Variants in RALGPS1 observed in about 807,000 individuals in gnomAD.
The protein encoded by RALGPS1 is ras-specific guanine nucleotide-releasing factor RalGPS1.
Under a neutral mutation model 78.8 loss-of-function variants are expected in RALGPS1, and 19 were observed. The ratio of observed to expected loss-of-function variants is 0.24; its 90% confidence interval spans 0.17 to 0.35. The LOEUF (loss-of-function observed/expected upper bound fraction) is 0.35. RALGPS1 is among the 10% of genes least tolerant of loss of function. The pLI is 1.00. For missense variants in RALGPS1, 454 were observed against 688.3 expected, an observed-to-expected ratio of 0.66 and a Z score of 3.81; for synonymous variants, 228 against 256.3, an observed-to-expected ratio of 0.89 and a Z score of 1.06.
At chr9:127,157,614 G>A (rs1009715137) in intron 8 of RALGPS1, among the ~76,000 whole-genome samples, 2 of 151,844 alleles carry the variant, frequency 1.3e-5, no homozygotes, top group Non-Finnish European at 2.9e-5. Context: ...ATTGTAAATT[G>A]CCCTTTTTTT....
chr9:127,196,301 G>A (rs557987895), intron 12 of RALGPS1, among the ~76,000 whole-genome samples, 173 bp from the exon 13 acceptor site: 1 of 152,350 alleles, frequency 6.6e-6, no homozygotes, highest in East Asian at 1.9e-4. Flanking sequence ...GAGAAAGGAT[G>A]TGACTTGCCC....
At chr9:126,984,265 G>A (rs930372953) in intron 4 of RALGPS1, among the ~76,000 whole-genome samples, 1 of 152,058 alleles carries the variant, frequency 6.6e-6, no homozygotes, top group Non-Finnish European at 1.5e-5. Context: ...CACCATGCTT[G>A]GCTAATTTTT....
chr9:126,919,334 A>G (rs935806669), intron 1 of RALGPS1, among the ~76,000 whole-genome samples: 2 of 152,224 alleles, frequency 1.3e-5, no homozygotes, highest in African/African-American at 4.8e-5. Flanking sequence ...CTAACAAGAG[A>G]CATCCTTTGT....
At chr9:127,076,010 T>A (rs2050646653) in intron 8 of RALGPS1, among the ~76,000 whole-genome samples, 1 of 152,194 alleles carries the variant, frequency 6.6e-6, no homozygotes, top group Non-Finnish European at 1.5e-5. Flanking sequence ...AACATAATTT[T>A]AAAAATACTG....
chr9:127,030,457 T>C (rs7048942), intron 4 of RALGPS1, among the ~76,000 whole-genome samples: 21,073 of 151,936 alleles, frequency 0.14, 4,805 homozygotes, highest in African/African-American at 0.48. Flanking sequence ...TGGTGGAGGC[T>C]AAGAGCGGCC....
rs1203809247 is a variant in RALGPS1 at position 127,043,101 on chromosome 9, T to C, written c.301-6942T>C. The stretch of plus-strand genomic sequence containing the variant: ...GTTAAGATGTCAGTTCTTCCCAACT[T>C]GATCAATAGATCCAGTGCAATCCCA... On this transcript the variant is annotated intron_variant, in intron 5 of 18. Coordinates refer to ENST00000259351, the MANE Select transcript of RALGPS1 (RefSeq NM_014636.3). 2.0e-5 allele frequency among the ~76,000 whole-genome samples: 3 copies of C among 152,242 alleles called. No individual in the cohort carries two copies. The East Asian group carries it at 5.8e-4, about 29-fold the overall frequency.
intron 8 of RALGPS1, among the ~76,000 whole-genome samples, chr9:127,100,771 G>T (rs1184187306): frequency 2.6e-5 from 4 of 152,228 alleles, no homozygotes; most frequent in Non-Finnish European, 5.9e-5. Flanking sequence ...ACAGGTAGCA[G>T]TCCCATAGTT....
At chr9:127,055,788 A>AT (rs2048693615) in intron 7 of RALGPS1, among the ~76,000 whole-genome samples, 1 of 152,060 alleles carries the variant, frequency 6.6e-6, no homozygotes, top group South Asian at 2.1e-4. Flanking sequence ...TTATTTTTTT[A>AT]TTTTTGTTTT....
intron 8 of RALGPS1, among the ~76,000 whole-genome samples, chr9:127,085,320 TTAGTAA>T (rs1234711724): frequency 2.0e-5 from 3 of 152,178 alleles, no homozygotes; most frequent in Non-Finnish European, 2.9e-5. Context: ...CATGGCGAAC[TTAGTAA>T]TAGTAGGACT....
intron 8 of RALGPS1, among the ~76,000 whole-genome samples, chr9:127,138,116 C>T (rs997459371): frequency 4.6e-5 from 7 of 152,144 alleles, no homozygotes; most frequent in East Asian, 3.9e-4. Flanking sequence ...CTGTAGGCCA[C>T]GGCCGAAGAA....
intron 14 of RALGPS1, chr9:127,210,700 G>A: frequency 1.9e-6 from 3 of 1,550,348 alleles, no homozygotes; most frequent in Non-Finnish European, 2.6e-6. Context: ...TGAAGCAGGG[G>A]ACGTCTCTAT....
intron 1 of RALGPS1, among the ~76,000 whole-genome samples, chr9:126,958,142 A>AAAAATATATATAT (rs113413659): frequency 9.0e-4 from 69 of 77,014 alleles, no homozygotes; most frequent in East Asian, 2.8e-3. Flanking sequence ...AAAAAAAAAA[A>AAAAATATATATAT]ATATATATAT....
chr9:127,195,066 G>T (rs1286754654), intron 11 of RALGPS1, 25 bp from the exon 12 acceptor site: 3 of 1,611,648 alleles, frequency 1.9e-6, no homozygotes, highest in Admixed American at 3.3e-5. Context: ...AACCCCCGTT[G>T]TTGCTCTCTC....
At chr9:127,116,416 A>G (rs2055427627) in intron 8 of RALGPS1, among the ~76,000 whole-genome samples, 1 of 152,182 alleles carries the variant, frequency 6.6e-6, no homozygotes, top group Non-Finnish European at 1.5e-5. Flanking sequence ...TTTGGGAACC[A>G]TTTTGAGATT....
At chr9:127,013,985 C>T (rs2044594644) in intron 4 of RALGPS1, among the ~76,000 whole-genome samples, 1 of 152,222 alleles carries the variant, frequency 6.6e-6, no homozygotes, top group Non-Finnish European at 1.5e-5. Flanking sequence ...TGCCTGTCTT[C>T]TCCACCGGAA....
At chr9:126,971,164 G>A (rs972008683) in intron 3 of RALGPS1, among the ~76,000 whole-genome samples, 1 of 151,944 alleles carries the variant, frequency 6.6e-6, no homozygotes, top group African/African-American at 2.4e-5. Context: ...ATTCATGATA[G>A]CCAAGGAACA....
At chr9:127,209,559 G>A (rs1438376552) in intron 14 of RALGPS1, among the ~76,000 whole-genome samples, 1 of 152,120 alleles carries the variant, frequency 6.6e-6, no homozygotes, top group Non-Finnish European at 1.5e-5. Context: ...AGAGGACTGG[G>A]GGTCCAAGCA....
chr9:127,046,672 CAAAAAAAAAAA>C (rs71377987), intron 5 of RALGPS1, among the ~76,000 whole-genome samples: 1 of 40,452 alleles, frequency 2.5e-5, no homozygotes, highest in Non-Finnish European at 5.2e-5. Context: ...CCCATCCATA[CAAAAAAAAAAA>C]AAAAAAAAAA....
At chr9:127,005,577 T>A (rs2043759922) in intron 4 of RALGPS1, among the ~76,000 whole-genome samples, 1 of 152,160 alleles carries the variant, frequency 6.6e-6, no homozygotes, top group Non-Finnish European at 1.5e-5. Context: ...GGAGGTTTTT[T>A]TTTATGAAAT....
Sources: allele counts gnomAD v4.1 joint callset (sites outside exome capture counted in the v4.1 genomes callset), GRCh38; gene constraint gnomAD v4.1.1; transcripts MANE v1.5; gene names NCBI Gene and HGNC (gene_info 2026-07-23, HGNC 2026-07-21).